The following TMTC2 variants were observed in gnomAD, a reference collection of about 807,000 sequenced individuals.
TMTC2 encodes the protein protein O-mannosyl-transferase TMTC2.
TMTC2 carries 43 observed loss-of-function variants against 82.4 expected under a neutral mutation model. The ratio of observed to expected loss-of-function variants is 0.52; its 90% CI spans 0.41 to 0.67. TMTC2 has a LOEUF of 0.67. Ranked by LOEUF, TMTC2 falls within the 30% of genes least tolerant of loss-of-function variation. TMTC2 has a pLI of 0.00. For synonymous variants in TMTC2, 408 were observed against 381.9 expected, an observed-to-expected ratio of 1.07 and a Z score of -0.80; for missense variants, 919 against 1,012.4, an observed-to-expected ratio of 0.91 and a Z score of 1.25.
chr12:82,796,148 G>A (rs1878707565), intron 1 of TMTC2, among the ~76,000 whole-genome samples: 1 of 152,032 alleles, frequency 6.6e-6, no homozygotes, highest in Non-Finnish European at 1.5e-5. Flanking sequence ...AAAAAGATTG[G>A]GGTTGAGGTG....
rs1436568485 is a variant in TMTC2, at chr12:82,896,317, C to T, written c.1154C>T (p.Thr385Ile). The change falls in exon 3 of 12, where the codon ACC (threonine) becomes ATC (isoleucine). Residue 385 changes from threonine to isoleucine, a missense_variant. Transcript: ENST00000321196. ...NGIKNDVSQR[T>I]QLPSTENIVV... Reference sequence around the variant, plus strand: ...ATTAAAAACGATGTATCACAGAGAACCCAGCTTCCTTCTACGGAGAACATT... The same window carrying T: ...ATTAAAAACGATGTATCACAGAGAATCCAGCTTCCTTCTACGGAGAACATT... 6.2e-7 allele frequency: 1 copy of T among 1,614,160 alleles called. No homozygotes were observed. Among genetic ancestry groups the T allele is most frequent in the East Asian group, 2.2e-5 (1 of 44,878 alleles).
chr12:82,991,155 T>G (rs1159571915), intron 8 of TMTC2, among the ~76,000 whole-genome samples: 2 of 152,184 alleles, frequency 1.3e-5, no homozygotes, highest in Non-Finnish European at 2.9e-5. Context: ...ATTTCACTAC[T>G]AAACAGTAGA....
intron 1 of TMTC2, among the ~76,000 whole-genome samples, chr12:82,800,196 T>C (rs75183686): frequency 0.016 from 2,446 of 152,158 alleles, 63 homozygotes; most frequent in African/African-American, 0.055. Flanking sequence ...AAATGAGATA[T>C]TACTCTTAAA....
chr12:82,969,570 A>G (rs144472235), intron 7 of TMTC2, among the ~76,000 whole-genome samples: 1 of 152,282 alleles, frequency 6.6e-6, no homozygotes, highest in African/African-American at 2.4e-5. Context: ...CCCCTTGAAC[A>G]TTTTATGAAA....
chr12:82,754,853 T>A (rs1876215788), intron 1 of TMTC2, among the ~76,000 whole-genome samples: 2 of 152,246 alleles, frequency 1.3e-5, no homozygotes, highest in African/African-American at 4.8e-5. Context: ...AAATTTTTTA[T>A]ATTTGATTTT....
chr12:82,908,214 T>C (rs527425178), intron 3 of TMTC2, among the ~76,000 whole-genome samples: 53 of 152,342 alleles, frequency 3.5e-4, no homozygotes, highest in African/African-American at 1.3e-3. Flanking sequence ...CATATTTGTA[T>C]AGTTTAAGGA....
At chr12:82,919,133 T>A (rs907111403) in intron 3 of TMTC2, among the ~76,000 whole-genome samples, 1 of 152,228 alleles carries the variant, frequency 6.6e-6, no homozygotes, top group Non-Finnish European at 1.5e-5. Flanking sequence ...CCAAGAGTAT[T>A]GTGCTGGCAT....
chr12:82,950,931 G>A lies in TMTC2; in HGVS notation c.1599-14093G>A, dbSNP rs952410826. Among the ~76,000 whole-genome samples the A allele has an allele frequency of 2.6e-5, 4 of 152,150 alleles. No homozygotes were observed. The South Asian group carries it at 8.3e-4, about 32-fold the overall frequency. On this transcript the variant is annotated intron_variant, in intron 4 of 11. Transcript: ENST00000321196. Reference sequence around the variant, plus strand: ...ATGCCTACTGTTTCATATTTAACAGGTTAGAATTTAAAAAAAGAACTTTAT... The same window carrying A: ...ATGCCTACTGTTTCATATTTAACAGATTAGAATTTAAAAAAAGAACTTTAT...
At chr12:82,919,491 T>C (rs532803807) in intron 3 of TMTC2, among the ~76,000 whole-genome samples, 9 of 152,318 alleles carry the variant, frequency 5.9e-5, no homozygotes, top group African/African-American at 2.2e-4. Flanking sequence ...CCTTAACTTG[T>C]TTCCATCAAC....
At chr12:82,687,993 T>C (rs1872409880) in intron 1 of TMTC2, among the ~76,000 whole-genome samples, 1 of 152,226 alleles carries the variant, frequency 6.6e-6, no homozygotes, top group African/African-American at 2.4e-5. Flanking sequence ...GTCTTAGGTA[T>C]TCCTTGATGC....
chr12:82,781,940 G>A (rs983121463), intron 1 of TMTC2, among the ~76,000 whole-genome samples: 1 of 151,918 alleles, frequency 6.6e-6, no homozygotes, highest in Non-Finnish European at 1.5e-5. Context: ...TTACAACTGT[G>A]TGCTTTAGAA....
intron 9 of TMTC2, among the ~76,000 whole-genome samples, chr12:83,037,172 A>G (rs1881697379): frequency 6.6e-6 from 1 of 152,210 alleles, no homozygotes; most frequent in African/African-American, 2.4e-5. Flanking sequence ...TTCACTTTTA[A>G]AAGTAGGCTC....
chr12:83,088,166 C>T (rs945871785), intron 11 of TMTC2, among the ~76,000 whole-genome samples: 1 of 152,240 alleles, frequency 6.6e-6, no homozygotes, highest in African/African-American at 2.4e-5. Flanking sequence ...GAACAAACCT[C>T]TGCTAGCTTC....
intron 8 of TMTC2, among the ~76,000 whole-genome samples, chr12:83,020,588 A>G (rs1189850152): frequency 6.6e-6 from 1 of 152,216 alleles, no homozygotes; most frequent in Non-Finnish European, 1.5e-5. Context: ...TACTGTTTTC[A>G]TCAACTGAGA....
At chr12:82,690,107 C>T (rs955720572) in intron 1 of TMTC2, among the ~76,000 whole-genome samples, 1 of 152,164 alleles carries the variant, frequency 6.6e-6, no homozygotes, top group African/African-American at 2.4e-5. Context: ...TGTGAAGTTA[C>T]ACTATAAATT....
chr12:82,881,373 G>A (rs1367888279), intron 2 of TMTC2, among the ~76,000 whole-genome samples: 4 of 152,104 alleles, frequency 2.6e-5, no homozygotes, highest in Non-Finnish European at 5.9e-5. Context: ...TTCCATTCAT[G>A]ATTTTAAAAG....
chr12:83,118,205 T>C (rs12227139), intron 11 of TMTC2, among the ~76,000 whole-genome samples: 38,451 of 151,952 alleles, frequency 0.25, 5,331 homozygotes, highest in East Asian at 0.44. Flanking sequence ...TCCAGTACTG[T>C]GTTAAAGAAG....
intron 1 of TMTC2, among the ~76,000 whole-genome samples, chr12:82,821,720 A>C (rs1159464758): frequency 6.6e-6 from 1 of 152,012 alleles, no homozygotes; most frequent in Non-Finnish European, 1.5e-5. Flanking sequence ...AAAATACAAA[A>C]AAAATTAGCC....
chr12:83,090,743 A>T (rs1467629932), intron 11 of TMTC2, among the ~76,000 whole-genome samples: 1 of 152,122 alleles, frequency 6.6e-6, no homozygotes, highest in East Asian at 1.9e-4. Context: ...GGATTGCTGC[A>T]CAGTGATATT....
Sources: gnomAD v4.1 joint callset for allele counts (sites outside exome capture counted in the v4.1 genomes callset) on GRCh38, gnomAD v4.1.1 for gene constraint, MANE v1.5 for transcripts, NCBI Gene and HGNC (gene_info 2026-07-23, HGNC 2026-07-21) for gene names.